The following CHD7 variants were observed in gnomAD, a reference collection of about 807,000 sequenced individuals.
CHD7 encodes the protein chromodomain helicase DNA binding protein 7.
In CHD7, 24 loss-of-function variants were observed where a neutral mutation model predicts 307.3. The ratio of observed to expected loss-of-function variants is 0.08; its 90% CI spans 0.06 to 0.11. The LOEUF (loss-of-function observed/expected upper bound fraction) is 0.11, where lower values mean the gene tolerates loss of function less well. CHD7 is among the 10% of genes least tolerant of loss of function. The probability of loss-of-function intolerance (pLI) is 1.00; values close to 1 mark genes in which losing one functional copy is unlikely to be tolerated. For missense variants in CHD7, 3,106 were observed against 3,727.1 expected, an observed-to-expected ratio of 0.83 and a Z score of 4.34; for synonymous variants, 1,363 against 1,349.9, an observed-to-expected ratio of 1.01 and a Z score of -0.21.
At chr8:60,696,758 G>A (rs2150499356) in intron 1 of CHD7, among the ~76,000 whole-genome samples, 1 of 151,924 alleles carries the variant, frequency 6.6e-6, no homozygotes, top group South Asian at 2.1e-4. Context: ...TTGTGGTATA[G>A]ACAGGAAAAT....
At chr8:60,834,559 T>C (rs1036908324) in intron 15 of CHD7, among the ~76,000 whole-genome samples, 1 of 152,214 alleles carries the variant, frequency 6.6e-6, no homozygotes, top group African/African-American at 2.4e-5. Flanking sequence ...TTAAACAGCA[T>C]TTTGCTCTTT....
chr8:60,807,658 A>T (rs1812598702), intron 6 of CHD7, among the ~76,000 whole-genome samples: 1 of 152,240 alleles, frequency 6.6e-6, no homozygotes, highest in African/African-American at 2.4e-5. Flanking sequence ...CATTGAGTGA[A>T]ACTAAGACTA....
chr8:60,821,046 C>A (rs188525861), intron 9 of CHD7, among the ~76,000 whole-genome samples: 1 of 152,254 alleles, frequency 6.6e-6, no homozygotes, highest in Non-Finnish European at 1.5e-5. Context: ...TTGCCCTCCA[C>A]CCTTATAAAG....
intron 1 of CHD7, among the ~76,000 whole-genome samples, chr8:60,714,362 A>G (rs1807455319): frequency 7.6e-6 from 1 of 132,342 alleles, no homozygotes; most frequent in Non-Finnish European, 1.6e-5. Flanking sequence ...CCTGACCGGA[A>G]GGCCGAGCCC....
At chr8:60,747,094 T>G (rs980462629) in intron 2 of CHD7, among the ~76,000 whole-genome samples, 3 of 152,258 alleles carry the variant, frequency 2.0e-5, no homozygotes, top group African/African-American at 7.2e-5. Flanking sequence ...TCTTTATTTT[T>G]GAGACGGAGT....
rs1804601780 is a variant in CHD7 at position 60,833,254 on chromosome 8, A to T, written c.3778+2677A>T. 2.0e-5 allele frequency among the ~76,000 whole-genome samples: 3 copies of T among 152,370 alleles called. No individual in the cohort carries two copies. In the South Asian group the frequency reaches 6.2e-4, roughly 32 times the overall value. Reference sequence around the variant, plus strand: ...GATTATGAAAAATAGAAGCAATTTTATATGTATGAGTTGAAAGCTTATGTA... The same window carrying T: ...GATTATGAAAAATAGAAGCAATTTTTTATGTATGAGTTGAAAGCTTATGTA... On this transcript the variant is annotated intron_variant, in intron 15 of 37. Coordinates refer to ENST00000423902, the MANE Select transcript of CHD7 (RefSeq NM_017780.4).
At chr8:60,824,485 C>T in intron 13 of CHD7, 2 of 164,040 alleles carry the variant, frequency 1.2e-5, no homozygotes, top group Non-Finnish European at 2.6e-5. Flanking sequence ...CACTCTGGTC[C>T]CAAGAATTTT....
intron 1 of CHD7, among the ~76,000 whole-genome samples, chr8:60,720,578 C>T (rs1347536193): frequency 6.6e-6 from 1 of 152,234 alleles, no homozygotes; most frequent in African/African-American, 2.4e-5. Flanking sequence ...GCTGTTGAGC[C>T]TCCAGCTTCT....
intron 2 of CHD7, among the ~76,000 whole-genome samples, chr8:60,765,476 C>T (rs1304804793): frequency 1.3e-5 from 2 of 152,152 alleles, no homozygotes; most frequent in Admixed American, 1.3e-4. Context: ...TTGACTCCAC[C>T]TGGAGAGATT....
At chr8:60,679,441 G>GC (rs1006346483) in intron 1 of CHD7, 11 of 146,310 alleles carry the variant, frequency 7.5e-5, no homozygotes, top group East Asian at 2.0e-4. Flanking sequence ...GCCGGCGTGG[G>GC]GGGGGGGTAC....
chr8:60,694,508 C>T (rs1483552033), intron 1 of CHD7, among the ~76,000 whole-genome samples: 3 of 152,214 alleles, frequency 2.0e-5, no homozygotes, highest in East Asian at 3.9e-4. Flanking sequence ...GTGACTTGCC[C>T]TCTCCTTTGA....
intron 2 of CHD7, among the ~76,000 whole-genome samples, chr8:60,763,996 C>A (rs1370678432): frequency 6.6e-6 from 1 of 151,394 alleles, no homozygotes; most frequent in Non-Finnish European, 1.5e-5. Context: ...TTTGTTCTTT[C>A]TTTTTTTTTG....
chr8:60,705,040 G>A lies in CHD7; in HGVS notation c.-175+25958G>A, dbSNP rs577021029. Among the ~76,000 whole-genome samples the A allele has an allele frequency of 5.9e-5, 9 of 152,304 alleles. No homozygotes were observed. The South Asian group carries it at 1.9e-3, about 32-fold the overall frequency. On this transcript the variant is annotated intron_variant, in intron 1 of 37. Transcript: ENST00000423902. ...GGATAGGAATCTCATCTGCATAGGA[G>A]CTCTGAATGTGATATAAAATCTGAT... is the stretch of plus-strand genomic sequence containing the variant.
rs1210290882 is a variant in CHD7 at position 60,781,388 on chromosome 8, C to G, written c.2054C>G (p.Ala685Gly). 6.5e-7 allele frequency: 1 copy of G among 1,536,466 alleles called. No homozygotes were observed. Among genetic ancestry groups the G allele is most frequent in the Middle Eastern group, 1.7e-4 (1 of 5,806 alleles). Reference sequence around the variant, plus strand: ...CCCAAAGAGCCAAAGGAAAAGAAAGCAAAAACTGCCACGCCAAAACCCAAA... The same window carrying G: ...CCCAAAGAGCCAAAGGAAAAGAAAGGAAAAACTGCCACGCCAAAACCCAAA... ...KIPKEPKEKK[A>G]KTATPKPKSS... The change falls in exon 3 of 38, where the codon GCA becomes GGA. Residue 685 changes from alanine to glycine, a missense_variant. Transcript: ENST00000423902.
At chr8:60,863,743 T>C (rs1806118224) in intron 37 of CHD7, 1 of 148,846 alleles carries the variant, frequency 6.7e-6, no homozygotes. Context: ...TTTTTCTTTT[T>C]TTTTTTTTTT....
intron 7 of CHD7, among the ~76,000 whole-genome samples, chr8:60,816,067 A>G (rs946004430): frequency 4.0e-5 from 6 of 151,146 alleles, no homozygotes; most frequent in Admixed American, 6.6e-5. Flanking sequence ...GCTTGTTATT[A>G]GGCCATTCTC....
At chr8:60,700,840 T>C (rs1170905133) in intron 1 of CHD7, among the ~76,000 whole-genome samples, 2 of 152,204 alleles carry the variant, frequency 1.3e-5, no homozygotes, top group Non-Finnish European at 2.9e-5. Flanking sequence ...ACACTGTAAG[T>C]GCAATGAGGA....
intron 8 of CHD7, among the ~76,000 whole-genome samples, chr8:60,819,003 G>T (rs1335376378): frequency 6.6e-6 from 1 of 152,190 alleles, no homozygotes; most frequent in Non-Finnish European, 1.5e-5. Flanking sequence ...ACCTGGGCTG[G>T]AGTGCAGTGG....
intron 3 of CHD7, among the ~76,000 whole-genome samples, chr8:60,784,428 A>G (rs1295433042): frequency 1.3e-5 from 2 of 152,238 alleles, no homozygotes; most frequent in African/African-American, 2.4e-5. Context: ...GCAGCCCTGT[A>G]TGCCATATCA....
Sources: allele counts gnomAD v4.1 joint callset (sites outside exome capture counted in the v4.1 genomes callset), GRCh38; gene constraint gnomAD v4.1.1; transcripts MANE v1.5; gene names NCBI Gene and HGNC (gene_info 2026-07-23, HGNC 2026-07-21).